The following RNF185 variants were observed in gnomAD, a reference collection of about 807,000 sequenced individuals.
RNF185 encodes the protein E3 ubiquitin-protein ligase RNF185.
In RNF185, 13 loss-of-function variants were observed where a neutral mutation model predicts 24.9. That is an observed-to-expected ratio of 0.52 (90% CI 0.34 to 0.83). RNF185 has a LOEUF of 0.83. Among genes scored for constraint, RNF185 ranks in the 40% least tolerant of loss-of-function variants. The pLI, the probability that RNF185 is intolerant of heterozygous loss-of-function variation, is 0.01. For missense variants in RNF185, 184 were observed against 244.7 expected, an observed-to-expected ratio of 0.75 and a Z score of 1.65; for synonymous variants, 79 against 90.3, an observed-to-expected ratio of 0.88 and a Z score of 0.71.
chr22:31,171,564 G>C (rs149431990), intron 1 of RNF185, among the ~76,000 whole-genome samples: 1 of 152,108 alleles, frequency 6.6e-6, no homozygotes, highest in Non-Finnish European at 1.5e-5. Flanking sequence ...CAATGGAGGT[G>C]GCTCAAGGCA....
intron 5 of RNF185, among the ~76,000 whole-genome samples, chr22:31,197,790 C>A (rs1406508696): frequency 6.6e-6 from 1 of 151,672 alleles, no homozygotes; most frequent in East Asian, 1.9e-4. Context: ...ACTATGTTGC[C>A]CAGGCTGGTC....
At chr22:31,182,949 G>A (rs1016482523) in intron 1 of RNF185, 11 of 117,896 alleles carry the variant, frequency 9.3e-5, no homozygotes, top group South Asian at 5.9e-4. Flanking sequence ...TTGAGATGGA[G>A]TCTCTCTCTT....
intron 1 of RNF185, among the ~76,000 whole-genome samples, chr22:31,161,812 C>T (rs55783055): frequency 0.092 from 13,981 of 151,382 alleles, 728 homozygotes; most frequent in Middle Eastern, 0.18. Context: ...GCTTTCCATG[C>T]ATCATATAAA....
rs1050842065 is a variant in RNF185 at position 31,189,280 on chromosome 22, C to CTTTTTTTTTTTTTT, written c.176+2024_176+2037dup. Among the ~76,000 whole-genome samples, 12 of 61,538 alleles carry CTTTTTTTTTTTTTT rather than the reference C, an allele frequency of 2.0e-4. 4 individuals are homozygous for CTTTTTTTTTTTTTT. The highest frequency in any genetic ancestry group is 7.9e-4 in the African/African-American group (12 of 15,254). The allele number at this position is 61,538 out of a possible 152,430, so 40.4% of individuals were successfully genotyped here. A position where few individuals can be genotyped will look rare whatever the true frequency, so the allele number is the denominator to read the frequency against. ...ATTTAAATGTACAGCTGTTGTATAT[C>CTTTTTTTTTTTTTT]TTTTTTTTTTTTTTTTTTTTTTTTT... is the stretch of plus-strand genomic sequence containing the variant. On this transcript the variant is annotated intron_variant, in intron 2 of 6. Transcript: ENST00000326132.
In RNF185 at chr22:31,206,086, C is replaced by T. The variant is rs1357945267; in HGVS notation, c.*1500C>T. The T allele has an allele frequency of 6.5e-6, 1 of 154,724 alleles. No individual in the cohort carries two copies. The highest frequency in any genetic ancestry group is 1.9e-4 in the East Asian group (1 of 5,194). 9.6% of individuals were successfully genotyped at this position (154,724 alleles called of 1,614,324 possible). A position where few individuals can be genotyped will look rare whatever the true frequency, so the allele number is the denominator to read the frequency against. On this transcript the variant is annotated 3_prime_UTR_variant, in exon 7 of 7. Coordinates refer to ENST00000326132, the MANE Select transcript of RNF185 (RefSeq NM_152267.4). Reference sequence around the variant, plus strand: ...CATCCACACTGCTCCTGGCTAACCCCAGCAATAACCAACAAATGGTAGGAA... The same window carrying T: ...CATCCACACTGCTCCTGGCTAACCCTAGCAATAACCAACAAATGGTAGGAA...
intron 5 of RNF185, among the ~76,000 whole-genome samples, chr22:31,200,469 G>T (rs2048250524): frequency 6.6e-6 from 1 of 152,202 alleles, no homozygotes; most frequent in Non-Finnish European, 1.5e-5. Flanking sequence ...GCCTCAGTTT[G>T]GTCATCTGTG....
At chr22:31,180,909 CTCTCTCTGTGTGTGTGTGTGTGTG>C (rs994241431) in intron 1 of RNF185, among the ~76,000 whole-genome samples, 10 of 128,852 alleles carry the variant, frequency 7.8e-5, no homozygotes, top group African/African-American at 2.7e-4. Context: ...CATTTTCTCT[CTCTCTCTGTGTGTGTGTGTGTGTG>C]TGTGTGTGTG....
At chr22:31,170,613 C>T (rs936076387) in intron 1 of RNF185, among the ~76,000 whole-genome samples, 6 of 152,092 alleles carry the variant, frequency 3.9e-5, no homozygotes, top group East Asian at 1.9e-4. Flanking sequence ...AGGGTTCAAG[C>T]GATTCCCATG....
intron 1 of RNF185, among the ~76,000 whole-genome samples, chr22:31,169,233 G>A (rs1454661875): frequency 6.6e-6 from 1 of 152,114 alleles, no homozygotes; most frequent in Non-Finnish European, 1.5e-5. Context: ...CAGGTTGTTT[G>A]TTGTTAAGTT....
intron 2 of RNF185, among the ~76,000 whole-genome samples, chr22:31,187,934 T>C (rs2048115924): frequency 6.6e-6 from 1 of 151,928 alleles, no homozygotes; most frequent in African/African-American, 2.4e-5. Context: ...TGTGTGTGTG[T>C]GTGTTTTTTT....
Position 31,187,205 on chromosome 22 carries a change from C to G in RNF185, c.111C>G (p.Phe37Leu), listed in dbSNP as rs534567190. ...AGAGCGGAGGGCAGGACAGCACTTT[C>G]GAGTGCAACATCTGCTTGGACACAG... ...AGESGGQDST[F>L]ECNICLDTAK... Residue 37 changes from phenylalanine to leucine, a missense_variant, in exon 2 of 7, where the codon TTC (phenylalanine) becomes TTG (leucine). Physicochemically the swap from Phe to Leu is conservative, Grantham distance 22. Transcript: ENST00000326132. 65 of 1,614,102 alleles carry G rather than the reference C, an allele frequency of 4.0e-5. No homozygotes were observed. Among genetic ancestry groups the G allele is most frequent in the Non-Finnish European group, 5.1e-5 (60 of 1,179,960 alleles).
chr22:31,176,050 A>G (rs1162246156), intron 1 of RNF185, among the ~76,000 whole-genome samples: 1 of 152,144 alleles, frequency 6.6e-6, no homozygotes, highest in Non-Finnish European at 1.5e-5. Context: ...GATGTGAGCC[A>G]CCATGCTTGG....
intron 5 of RNF185, 71 bp from the exon 6 acceptor site, chr22:31,201,427 T>G: frequency 2.9e-6 from 3 of 1,041,362 alleles, no homozygotes; most frequent in Non-Finnish European, 4.5e-6. Flanking sequence ...ACGTGAGGTA[T>G]GTTGAGTTTT....
At chr22:31,201,177 A>G (rs906479859) in intron 5 of RNF185, among the ~76,000 whole-genome samples, 3 of 152,228 alleles carry the variant, frequency 2.0e-5, no homozygotes, top group Admixed American at 6.5e-5. Context: ...ATGTGGGACT[A>G]TGGAAAATAT....
chr22:31,183,539 G>A (rs935961705), intron 1 of RNF185, among the ~76,000 whole-genome samples: 49 of 152,192 alleles, frequency 3.2e-4, no homozygotes, highest in African/African-American at 1.1e-3. Context: ...GCCGCCTTCC[G>A]CAGTGTTTGT....
chr22:31,172,603 G>C (rs1420425031), intron 1 of RNF185, among the ~76,000 whole-genome samples: 1 of 151,910 alleles, frequency 6.6e-6, no homozygotes, highest in African/African-American at 2.4e-5. Flanking sequence ...ACAAAAATTG[G>C]CCAGTCATGA....
chr22:31,190,995 G>A (rs1355708551), intron 2 of RNF185, among the ~76,000 whole-genome samples: 2 of 152,240 alleles, frequency 1.3e-5, no homozygotes, highest in Non-Finnish European at 2.9e-5. Context: ...TAGCTTAGGA[G>A]CAATAGGCTA....
At chr22:31,198,492 G>A (rs1398833431) in intron 5 of RNF185, among the ~76,000 whole-genome samples, 6 of 146,952 alleles carry the variant, frequency 4.1e-5, no homozygotes, top group South Asian at 4.3e-4. Flanking sequence ...TCTGCCTCCC[G>A]GGTTTAAACA....
chr22:31,193,583 A>C (rs2048175706), intron 3 of RNF185, among the ~76,000 whole-genome samples: 1 of 152,076 alleles, frequency 6.6e-6, no homozygotes, highest in Non-Finnish European at 1.5e-5. Flanking sequence ...CACTTGAGGC[A>C]AGGAGTTTGA....
Sources: gnomAD v4.1 joint callset for allele counts (sites outside exome capture counted in the v4.1 genomes callset) on GRCh38, gnomAD v4.1.1 for gene constraint, MANE v1.5 for transcripts, NCBI Gene and HGNC (gene_info 2026-07-23, HGNC 2026-07-21) for gene names.